EPB41L5: variants seen among roughly 807,000 people sequenced by gnomAD.
EPB41L5 encodes the protein erythrocyte membrane protein band 4.1 like 5, also known as band 4.1-like protein 5.
In EPB41L5, 55 loss-of-function variants were observed where a neutral mutation model predicts 106.6. That is an observed-to-expected ratio of 0.52 (90% confidence interval 0.42 to 0.65). The LOEUF (loss-of-function observed/expected upper bound fraction) is 0.65. EPB41L5 is among the 30% of genes least tolerant of loss of function. EPB41L5 has a pLI of 0.00. For synonymous variants in EPB41L5, 297 were observed against 306.7 expected, an observed-to-expected ratio of 0.97 and a Z score of 0.33; for missense variants, 871 against 882.1, an observed-to-expected ratio of 0.99 and a Z score of 0.16.
Position 120,127,684 on chromosome 2 carries a change from G to T in EPB41L5, c.1338-4G>T. 2 of 1,575,128 alleles carry T rather than the reference G, an allele frequency of 1.3e-6. No homozygotes were observed. The highest frequency in any genetic ancestry group is 1.7e-6 in the Non-Finnish European group (2 of 1,154,092). ...TCTAAGTAAATTTTCTATTTCCATT[G>T]CAGCATTCCTCTGAATATTGATTTG... On this transcript the variant is annotated splice_region_variant and splice_polypyrimidine_tract_variant and intron_variant, in intron 16 of 24. Coordinates refer to ENST00000263713, the MANE Select transcript of EPB41L5 (RefSeq NM_020909.4).
At chr2:120,060,481 A>G (rs1434027348) in intron 3 of EPB41L5, among the ~76,000 whole-genome samples, 3 of 152,206 alleles carry the variant, frequency 2.0e-5, no homozygotes, top group Non-Finnish European at 4.4e-5. Context: ...TTCAGAGGGC[A>G]TTATGCTGAA....
intron 16 of EPB41L5, chr2:120,104,445 A>G (rs375388711): frequency 7.6e-7 from 1 of 1,322,632 alleles, no homozygotes. Context: ...GATAATGACA[A>G]ATGTTTGTGT....
In EPB41L5 at chr2:120,131,716, G is replaced by A; in HGVS notation, c.1599+1G>A. ...CATCGATGTTAACATAAACAGCCAG[G>A]TATTCAGATTTCCCCTGTGTATACC... On this transcript the variant is annotated splice_donor_variant, in intron 18 of 24. Coordinates refer to ENST00000263713, the MANE Select transcript of EPB41L5 (RefSeq NM_020909.4). LOFTEE classifies it high-confidence loss of function. The A allele has an allele frequency of 1.2e-6, 2 of 1,610,110 alleles. No individual in the cohort carries two copies. The highest frequency in any genetic ancestry group is 1.7e-4 in the Middle Eastern group (1 of 6,050).
chr2:120,154,553 T>C (rs1367762066), intron 20 of EPB41L5, among the ~76,000 whole-genome samples: 1 of 152,198 alleles, frequency 6.6e-6, no homozygotes, highest in Non-Finnish European at 1.5e-5. Flanking sequence ...TAATACTATA[T>C]ATAGCTTCAA....
At chr2:120,118,521 C>T (rs1047972384) in intron 16 of EPB41L5, among the ~76,000 whole-genome samples, 4 of 152,072 alleles carry the variant, frequency 2.6e-5, no homozygotes, top group African/African-American at 2.4e-5. Flanking sequence ...CCCACACCCC[C>T]GACAGGCCCC....
At position 120,016,396 on chromosome 2, in the gene EPB41L5, C is replaced by T. The variant is rs183527657; in HGVS notation, c.-8-2681C>T. Among the ~76,000 whole-genome samples the T allele has an allele frequency of 7.6e-4, 116 of 151,686 alleles. 1 individual carries two copies. Among genetic ancestry groups the T allele is most frequent in the African/African-American group, 2.6e-3 (106 of 41,340 alleles). ...AGTGAGCCGAGATCGCGCCATTGCA[C>T]TGCAACCTGGGGGACTAGGTTGAGA... On this transcript the variant is annotated intron_variant, in intron 1 of 24. Coordinates refer to ENST00000263713, the MANE Select transcript of EPB41L5 (RefSeq NM_020909.4).
At chr2:120,032,804 G>A (rs976448235) in intron 2 of EPB41L5, among the ~76,000 whole-genome samples, 1 of 152,188 alleles carries the variant, frequency 6.6e-6, no homozygotes, top group African/African-American at 2.4e-5. Context: ...TACTGTAAGA[G>A]TAACATTCAC....
intron 2 of EPB41L5, among the ~76,000 whole-genome samples, chr2:120,039,717 C>G (rs1239299487): frequency 1.3e-5 from 2 of 150,870 alleles, no homozygotes; most frequent in Non-Finnish European, 2.9e-5. Context: ...CCCAGCTACT[C>G]GGGAGGCTGA....
At position 120,071,446 on chromosome 2, in the gene EPB41L5, C is replaced by G. The variant is rs547008062; in HGVS notation, c.286-1732C>G. On this transcript the variant is annotated intron_variant, in intron 3 of 24. Transcript: ENST00000263713. ...ATTCAGTGGTATCCCCATCAAGCTA[C>G]CTGAAAAAGAGCCCGTATAGCCAAG... 2.0e-5 allele frequency among the ~76,000 whole-genome samples: 3 copies of G among 148,068 alleles called. No homozygotes were observed. In the East Asian group the frequency reaches 6.0e-4, roughly 30 times the overall value.
At chr2:120,173,370 G>A (rs1310389150) in intron 24 of EPB41L5, among the ~76,000 whole-genome samples, 4 of 152,130 alleles carry the variant, frequency 2.6e-5, no homozygotes, top group Non-Finnish European at 4.4e-5. Flanking sequence ...TTGGGGGGTC[G>A]TGAGGCAGAA....
intron 20 of EPB41L5, among the ~76,000 whole-genome samples, chr2:120,147,332 G>C (rs1046486840): frequency 6.6e-6 from 1 of 152,192 alleles, no homozygotes; most frequent in African/African-American, 2.4e-5. Flanking sequence ...CTGAGTGACA[G>C]AGTGAGACCC....
chr2:120,116,328 A>C (rs958508287), intron 16 of EPB41L5, among the ~76,000 whole-genome samples: 2 of 152,140 alleles, frequency 1.3e-5, no homozygotes, highest in African/African-American at 4.8e-5. Flanking sequence ...TCATCATTTC[A>C]TCCAGCTTTC....
rs1213786081 is a variant in EPB41L5, at chr2:120,090,528, T to C, written c.1043+12T>C. The stretch of plus-strand genomic sequence containing the variant: ...CGATTTAGATATAGGTTAATTTTAA[T>C]TGCTGTTTTATCTGTCTTTCATTGC... On this transcript the variant is annotated intron_variant, in intron 12 of 24. Coordinates refer to ENST00000263713, the MANE Select transcript of EPB41L5 (RefSeq NM_020909.4). 6.2e-7 allele frequency: 1 copy of C among 1,604,944 alleles called. No individual in the cohort carries two copies. Among genetic ancestry groups the C allele is most frequent in the Non-Finnish European group, 8.5e-7 (1 of 1,176,434 alleles).
chr2:120,164,837 A>C lies in EPB41L5; in HGVS notation c.1889A>C (p.Glu630Ala). 1 of 1,607,852 alleles carries C rather than the reference A, an allele frequency of 6.2e-7. No individual in the cohort carries two copies. The highest frequency in any genetic ancestry group is 8.5e-7 in the Non-Finnish European group (1 of 1,177,182). ...ATTCTAGATTCCTGTCTTCCATAGG[A>C]AGCTACAGATGAATTGGATGCCTTG... ...TPADSGSVLK[E>A]ATDELDALLA... Residue 630 changes from glutamate to alanine, a missense_variant and splice_region_variant, in exon 22 of 25, where the codon GAA (glutamate) becomes GCA (alanine). Coordinates refer to ENST00000263713, the MANE Select transcript of EPB41L5 (RefSeq NM_020909.4).
At chr2:120,123,760 T>A (rs1285601251) in intron 16 of EPB41L5, among the ~76,000 whole-genome samples, 1 of 145,098 alleles carries the variant, frequency 6.9e-6, no homozygotes, top group Non-Finnish European at 1.5e-5. Context: ...CGAGTTCAGG[T>A]GATTCTCCCA....
chr2:120,141,031 A>G (rs1157557956), intron 18 of EPB41L5, among the ~76,000 whole-genome samples: 1 of 152,160 alleles, frequency 6.6e-6, no homozygotes, highest in Non-Finnish European at 1.5e-5. Context: ...CTTAAGGCTC[A>G]GACTAGCACT....
chr2:120,092,457 T>C (rs1683486023), intron 13 of EPB41L5, among the ~76,000 whole-genome samples: 1 of 152,268 alleles, frequency 6.6e-6, no homozygotes, highest in South Asian at 2.1e-4. Flanking sequence ...TTCATAATTG[T>C]TACTTGCTGA....
chr2:120,037,736 C>A (rs1038147852), intron 2 of EPB41L5, among the ~76,000 whole-genome samples: 6 of 152,034 alleles, frequency 3.9e-5, no homozygotes, highest in Non-Finnish European at 8.8e-5. Flanking sequence ...TAGAAACAAA[C>A]CCTTGTAAAT....
chr2:120,014,704 C>A (rs556830454), intron 1 of EPB41L5, among the ~76,000 whole-genome samples: 9 of 152,146 alleles, frequency 5.9e-5, no homozygotes, highest in African/African-American at 2.2e-4. Flanking sequence ...AAAGGTGGAA[C>A]AGCTAATGAA....
Sources: gnomAD v4.1 joint callset for allele counts (sites outside exome capture counted in the v4.1 genomes callset) on GRCh38, gnomAD v4.1.1 for gene constraint, MANE v1.5 for transcripts, NCBI Gene and HGNC (gene_info 2026-07-23, HGNC 2026-07-21) for gene names.